Variants in TAMM41 observed in about 807,000 individuals in gnomAD.
TAMM41 encodes the protein TAM41 mitochondrial translocator assembly and maintenance homolog.
In TAMM41, 36 loss-of-function variants were observed where a neutral mutation model predicts 44.1. That is an observed-to-expected ratio of 0.82 (90% CI 0.63 to 1.08). The LOEUF is 1.08. Among genes scored for constraint, TAMM41 ranks in the 50% least tolerant of loss-of-function variants. TAMM41 has a pLI of 0.00. For synonymous variants in TAMM41, 164 were observed against 153.1 expected (o/e 1.07, Z -0.53); for missense variants, 417 against 404.3 (o/e 1.03, Z -0.27).
the TAMM41 span, among the ~76,000 whole-genome samples, chr3:11,753,597 C>T: frequency 6.0e-5 from 9 of 150,638 alleles, no homozygotes; most frequent in Non-Finnish European, 1.2e-4. Flanking sequence ...AAAAAGTGGG[C>T]GTGGTGGCGG....
the TAMM41 span, among the ~76,000 whole-genome samples, chr3:11,750,959 T>C: frequency 6.8e-6 from 1 of 147,092 alleles, no homozygotes; most frequent in Non-Finnish European, 1.5e-5. Context: ...CCAGGCTGGA[T>C]AATGTCTAGC....
chr3:11,737,253 G>T, the TAMM41 span, among the ~76,000 whole-genome samples: 1 of 129,628 alleles, frequency 7.7e-6, no homozygotes, highest in East Asian at 2.3e-4. Flanking sequence ...CCTGCCCCCC[G>T]CATTAAAGAA....
chr3:11,838,666 T>G (rs939918597), intron 3 of TAMM41, among the ~76,000 whole-genome samples: 1 of 152,106 alleles, frequency 6.6e-6, no homozygotes, highest in Non-Finnish European at 1.5e-5. Flanking sequence ...CCCAGCACCT[T>G]GATGTGCTTA....
the TAMM41 span, among the ~76,000 whole-genome samples, chr3:11,780,796 G>C: frequency 6.6e-6 from 1 of 152,130 alleles, no homozygotes; most frequent in African/African-American, 2.4e-5. Context: ...TGCATTGTAA[G>C]ATCCTTAGAA....
chr3:11,829,900 G>C (rs1209577566), intron 3 of TAMM41, 36 bp from the exon 4 acceptor site: 8 of 1,604,750 alleles, frequency 5.0e-6, no homozygotes, highest in Non-Finnish European at 6.8e-6. Flanking sequence ...AAAAATTCCA[G>C]AAGTGGAGTA....
At chr3:11,823,525 G>C (rs1351177882) in intron 4 of TAMM41, among the ~76,000 whole-genome samples, 1 of 151,964 alleles carries the variant, frequency 6.6e-6, no homozygotes, top group Non-Finnish European at 1.5e-5. Context: ...CCAAAGTGTT[G>C]GGATTACAGG....
At chr3:11,733,005 T>TTG in the TAMM41 span, among the ~76,000 whole-genome samples, 93 of 71,386 alleles carry the variant, frequency 1.3e-3, no homozygotes, top group Middle Eastern at 0.02. Context: ...TTTTTGTTTG[T>TTG]TTGTTTGTTT....
At chr3:11,735,875 T>G in the TAMM41 span, among the ~76,000 whole-genome samples, 2 of 151,208 alleles carry the variant, frequency 1.3e-5, no homozygotes, top group South Asian at 2.1e-4. Flanking sequence ...GGTAGGGGAG[T>G]ACCCAGCATG....
chr3:11,808,501 G>T (rs62248586), intron 6 of TAMM41: 359,958 of 985,498 alleles, frequency 0.37, 68,167 homozygotes, highest in Admixed American at 0.43. Flanking sequence ...GCCTGCTGCA[G>T]CTCATCCACT....
At chr3:11,777,931 A>G in the TAMM41 span, among the ~76,000 whole-genome samples, 2 of 151,898 alleles carry the variant, frequency 1.3e-5, no homozygotes, top group East Asian at 3.9e-4. Flanking sequence ...CAAGCCCCCC[A>G]TTACCCACTT....
chr3:11,823,239 T>TTTG lies in TAMM41; in HGVS notation c.563-5905_563-5903dup, dbSNP rs1230789007. Among the ~76,000 whole-genome samples, 297 of 149,852 alleles carry TTTG rather than the reference T, an allele frequency of 2.0e-3. 1 individual carries two copies. Among genetic ancestry groups the TTTG allele is most frequent in the East Asian group, 5.2e-3 (26 of 4,970 alleles). ...TTAAACTGGATTGTCTTTTCATTGTTTTGTTGTTGTTGTTGTTTTTTTTTT... is the reference window on the plus strand; with the variant it reads ...TTAAACTGGATTGTCTTTTCATTGTTTTGTTGTTGTTGTTGTTGTTTTTTTTTT... On this transcript the variant is annotated intron_variant, in intron 4 of 7. Transcript: ENST00000455809.
chr3:11,845,757 G>A (rs750584660), intron 1 of TAMM41, among the ~76,000 whole-genome samples: 2 of 152,110 alleles, frequency 1.3e-5, no homozygotes, highest in Non-Finnish European at 2.9e-5. Flanking sequence ...GTATCCAGAC[G>A]CAGGGGGCCC....
the TAMM41 span, among the ~76,000 whole-genome samples, chr3:11,784,551 C>T: frequency 2.0e-5 from 3 of 152,084 alleles, no homozygotes; most frequent in Non-Finnish European, 4.4e-5. Flanking sequence ...TCCTTCCTTG[C>T]GTGGTAATGT....
At chr3:11,808,149 C>T in intron 6 of TAMM41, 1 of 958,364 alleles carries the variant, frequency 1.0e-6, no homozygotes, top group Non-Finnish European at 1.4e-6. Flanking sequence ...TGCCTCTTCC[C>T]CTTAAAACAA....
Position 11,839,276 on chromosome 3 carries a change from A to T in TAMM41, c.357T>A (p.Ile119=), listed in dbSNP as rs1489488142. ...AGTTATTCCAGTTGAGGAGATCTTC[A>T]ATCAGAACGTTAGTGCTAATAACTC... is the stretch of plus-strand genomic sequence containing the variant. The part of the protein sequence containing the change: ...KYGVISTNVL[I]EDLLNWNNLY... The change falls in exon 3 of 8, where the codon ATT becomes ATA. Residue 119 remains isoleucine (I), a synonymous_variant. Transcript: ENST00000455809. 1.2e-6 allele frequency: 2 copies of T among 1,613,754 alleles called. No individual in the cohort carries two copies. Among genetic ancestry groups the T allele is most frequent in the Non-Finnish European group, 1.7e-6 (2 of 1,179,780 alleles).
At chr3:11,775,636 C>T in the TAMM41 span, among the ~76,000 whole-genome samples, 1 of 152,194 alleles carries the variant, frequency 6.6e-6, no homozygotes, top group Non-Finnish European at 1.5e-5. Flanking sequence ...CCATCTCTGT[C>T]GTCCCATTTG....
chr3:11,778,281 GT>G, the TAMM41 span, among the ~76,000 whole-genome samples: 1 of 152,068 alleles, frequency 6.6e-6, no homozygotes, highest in Non-Finnish European at 1.5e-5. Flanking sequence ...CTGGAGTGCA[GT>G]GGTGCGATCA....
At position 11,809,672 on chromosome 3, in the gene TAMM41, C is replaced by T. The variant is rs1289324744; in HGVS notation, c.719G>A (p.Ser240Asn). 1.9e-6 allele frequency: 3 copies of T among 1,610,444 alleles called. No homozygotes were observed. The highest frequency in any genetic ancestry group is 2.2e-5 in the East Asian group (1 of 44,840). Residue 240 changes from serine to asparagine, a missense_variant, in exon 6 of 8, where the codon AGC (serine) becomes AAC (asparagine). Ser to Asn is a conservative substitution (Grantham distance 46, BLOSUM62 1). Coordinates refer to ENST00000455809, the MANE Select transcript of TAMM41 (RefSeq NM_001284401.2). The part of the protein sequence containing the change: ...SQQGWLEIDK[S>N]PEGQFTQLMT... ...CAGCTGAGTGAACTGTCCTTCTGGG[C>T]TTTTATCTATCTGAAGGGAGGAAAA...
At chr3:11,839,434 C>T in intron 2 of TAMM41, 120 bp from the exon 3 acceptor site, 1 of 620,888 alleles carries the variant, frequency 1.6e-6, no homozygotes, top group South Asian at 2.4e-5. Flanking sequence ...ATTCCAAAGC[C>T]ACTCAAAACA....
Sources: allele counts gnomAD v4.1 joint callset (sites outside exome capture counted in the v4.1 genomes callset), GRCh38; gene constraint gnomAD v4.1.1; transcripts MANE v1.5; gene names NCBI Gene and HGNC (gene_info 2026-07-23, HGNC 2026-07-21).